The following SPOCK3 variants were observed in gnomAD, a reference collection of about 807,000 sequenced individuals.
SPOCK3 encodes testican-3.
In SPOCK3, 30 loss-of-function variants were observed where a neutral mutation model predicts 56.6. The ratio of observed to expected loss-of-function variants is 0.53; its 90% CI spans 0.40 to 0.72. SPOCK3 has a LOEUF of 0.72. SPOCK3 is among the 30% of genes least tolerant of loss of function. The pLI, the probability that SPOCK3 is intolerant of heterozygous loss-of-function variation, is 0.00. For synonymous variants in SPOCK3, 196 were observed against 183.3 expected (o/e 1.07, Z -0.56); for missense variants, 527 against 530.0 (o/e 0.99, Z 0.06).
At chr4:166,858,301 T>C (rs1281752100) in intron 6 of SPOCK3, among the ~76,000 whole-genome samples, 2 of 152,202 alleles carry the variant, frequency 1.3e-5, no homozygotes, top group Non-Finnish European at 2.9e-5. Flanking sequence ...GTGAATTTCA[T>C]AGGGTTCTTT....
chr4:166,948,680 A>G (rs1225434318), intron 4 of SPOCK3, among the ~76,000 whole-genome samples: 2 of 152,142 alleles, frequency 1.3e-5, no homozygotes, highest in African/African-American at 4.8e-5. Flanking sequence ...AGAAATATCT[A>G]TTCAACTTGT....
At chr4:166,967,892 C>A (rs1488298864) in intron 4 of SPOCK3, among the ~76,000 whole-genome samples, 1 of 152,066 alleles carries the variant, frequency 6.6e-6, no homozygotes, top group Non-Finnish European at 1.5e-5. Context: ...TGGTTATGAC[C>A]AAAATGCTGA....
At chr4:167,158,335 T>C (rs1281595915) in intron 2 of SPOCK3, among the ~76,000 whole-genome samples, 3 of 152,120 alleles carry the variant, frequency 2.0e-5, no homozygotes, top group African/African-American at 7.2e-5. Context: ...AACATAATTA[T>C]TTAAACAATA....
intron 2 of SPOCK3, chr4:167,083,134 C>G: frequency 1.3e-6 from 1 of 762,240 alleles, no homozygotes; most frequent in East Asian, 2.4e-5. Context: ...CTAATTACAG[C>G]TTTATGGTTG....
At chr4:166,854,507 C>T (rs571163145) in intron 6 of SPOCK3, among the ~76,000 whole-genome samples, 2 of 152,280 alleles carry the variant, frequency 1.3e-5, no homozygotes, top group South Asian at 2.1e-4. Flanking sequence ...TAAAAATGTA[C>T]AGCCTCATCA....
At chr4:167,193,291 C>T (rs925844777) in intron 2 of SPOCK3, among the ~76,000 whole-genome samples, 1 of 145,046 alleles carries the variant, frequency 6.9e-6, no homozygotes, top group Non-Finnish European at 1.5e-5. Context: ...CATATCTGTT[C>T]GAGGTTTGTG....
At chr4:167,041,305 T>C (rs1753211138) in intron 3 of SPOCK3, among the ~76,000 whole-genome samples, 1 of 152,178 alleles carries the variant, frequency 6.6e-6, no homozygotes, top group Non-Finnish European at 1.5e-5. Context: ...GTGTGTAGTA[T>C]GTGTTCAACA....
intron 5 of SPOCK3, among the ~76,000 whole-genome samples, chr4:166,910,489 C>A (rs1737149131): frequency 6.6e-6 from 1 of 152,082 alleles, no homozygotes; most frequent in South Asian, 2.1e-4. Context: ...TGAAGATATA[C>A]CTGAATTAAT....
chr4:167,101,713 C>CTTTT (rs34604496), intron 2 of SPOCK3, among the ~76,000 whole-genome samples: 8 of 126,314 alleles, frequency 6.3e-5, no homozygotes, highest in Non-Finnish European at 1.0e-4. Flanking sequence ...AATTCTTACT[C>CTTTT]TTTTTTTTTT....
At chr4:166,792,382 A>G in intron 6 of SPOCK3, 93 bp from the exon 7 acceptor site, 1 of 1,373,258 alleles carries the variant, frequency 7.3e-7, no homozygotes, top group Non-Finnish European at 1.0e-6. Flanking sequence ...GAAAGGTAAG[A>G]ACGACTAAAA....
chr4:166,962,016 T>C (rs1744197621), intron 4 of SPOCK3, among the ~76,000 whole-genome samples: 1 of 152,100 alleles, frequency 6.6e-6, no homozygotes, highest in African/African-American at 2.4e-5. Context: ...CCTCCATTCC[T>C]TAGCTTGGAT....
intron 2 of SPOCK3, among the ~76,000 whole-genome samples, chr4:167,076,530 T>G (rs532503442): frequency 6.6e-6 from 1 of 151,930 alleles, no homozygotes; most frequent in African/African-American, 2.4e-5. Flanking sequence ...GCTAATATTA[T>G]ATAGTTTGAA....
intron 2 of SPOCK3, among the ~76,000 whole-genome samples, chr4:167,105,463 T>TAAAA (rs552028589): frequency 1.0e-5 from 1 of 98,688 alleles, no homozygotes; most frequent in Non-Finnish European, 2.0e-5. Context: ...ACACAAAAAT[T>TAAAA]AAAAAAAAAA....
At chr4:167,234,334 C>G (rs1324074318) in intron 1 of SPOCK3, 116 bp downstream of exon 1, 2 of 699,618 alleles carry the variant, frequency 2.9e-6, no homozygotes, top group Non-Finnish European at 2.4e-6. Flanking sequence ...AGGCTTTACC[C>G]CCAAAAGCCG....
intron 4 of SPOCK3, among the ~76,000 whole-genome samples, chr4:166,998,495 T>C (rs768225484): frequency 1.3e-5 from 2 of 152,164 alleles, no homozygotes; most frequent in Admixed American, 6.6e-5. Flanking sequence ...GCTTAGACTC[T>C]GGGGTCGATC....
In SPOCK3 at chr4:167,000,446, C is replaced by A. The variant is rs759137530; in HGVS notation, c.253G>T (p.Asp85Tyr). The A allele has an allele frequency of 1.7e-5, 27 of 1,586,178 alleles. No individual in the cohort carries two copies. The highest frequency in any genetic ancestry group is 2.7e-5 in the African/African-American group (2 of 73,734). ...PFDQALDPAK[D>Y]PCLKMKCSRH... The stretch of plus-strand genomic sequence containing the variant: ...CTACATTTCATCTTTAAGCATGGAT[C>A]CTTAGCTGGATCTAAAGCTAAAAAA... The change falls in exon 4 of 11, where the codon GAT (aspartate) becomes TAT (tyrosine). Residue 85 changes from aspartate (D) to tyrosine (Y), a missense_variant. Asp to Tyr is a radical substitution (Grantham distance 160). Transcript: ENST00000357545.
intron 2 of SPOCK3, among the ~76,000 whole-genome samples, chr4:167,106,455 A>G (rs1252341107): frequency 1.3e-5 from 2 of 151,878 alleles, no homozygotes; most frequent in African/African-American, 4.8e-5. Context: ...TTAAAACACA[A>G]TATGCCAAAA....
intron 2 of SPOCK3, among the ~76,000 whole-genome samples, chr4:167,116,394 TAA>T (rs1368674252): frequency 1.4e-5 from 2 of 147,704 alleles, no homozygotes; most frequent in Non-Finnish European, 3.0e-5. Flanking sequence ...TATACTTTTG[TAA>T]ATATATATAC....
At chr4:167,014,091 T>TA (rs959182321) in intron 3 of SPOCK3, among the ~76,000 whole-genome samples, 1 of 152,124 alleles carries the variant, frequency 6.6e-6, no homozygotes, top group African/African-American at 2.4e-5. Context: ...GAAACCCCTA[T>TA]AAAATCTCTT....
Sources: gnomAD v4.1 joint callset for allele counts (sites outside exome capture counted in the v4.1 genomes callset) on GRCh38, gnomAD v4.1.1 for gene constraint, MANE v1.5 for transcripts, NCBI Gene and HGNC (gene_info 2026-07-23, HGNC 2026-07-21) for gene names.